The following TCP11L1 variants were observed in gnomAD, a reference collection of about 807,000 sequenced individuals.
TCP11L1 encodes t-complex 11 like 1.
Under a neutral mutation model 48.9 loss-of-function variants are expected in TCP11L1, and 28 were observed. That is an observed-to-expected ratio of 0.57 (90% CI 0.42 to 0.78). TCP11L1 has a LOEUF of 0.78. Ranked by LOEUF, TCP11L1 falls within the 30% of genes least tolerant of loss-of-function variation. The pLI is 0.00. For synonymous variants in TCP11L1, 204 were observed against 231.9 expected, an observed-to-expected ratio of 0.88 and a Z score of 1.09; for missense variants, 505 against 613.4, an observed-to-expected ratio of 0.82 and a Z score of 1.87.
intron 9 of TCP11L1, among the ~76,000 whole-genome samples, chr11:33,070,851 A>C (rs1266342977): frequency 1.3e-5 from 2 of 151,200 alleles, no homozygotes; most frequent in South Asian, 2.1e-4. Flanking sequence ...AAAATACAAA[A>C]ATTTCCTGGG....
At position 33,068,724 on chromosome 11, in the gene TCP11L1, GAGA is replaced by G. The variant is rs2133747735; in HGVS notation, c.1195_1197del (p.Lys399del). ...GAAGGACGTCCTCACTACCATCGGG[GAGA>G]AGGTGTGCCTGGAGGTGAGCAGCTG... On this transcript the variant is annotated inframe_deletion, in exon 9 of 10. Coordinates refer to ENST00000334274, the MANE Select transcript of TCP11L1 (RefSeq NM_018393.4). The G allele has an allele frequency of 8.1e-6, 13 of 1,614,164 alleles. No individual in the cohort carries two copies. The highest frequency in any genetic ancestry group is 1.1e-5 in the Non-Finnish European group (13 of 1,180,012).
intron 9 of TCP11L1, among the ~76,000 whole-genome samples, chr11:33,070,895 G>A (rs1425752915): frequency 2.6e-5 from 4 of 151,104 alleles, no homozygotes; most frequent in Non-Finnish European, 4.4e-5. Context: ...CCAGGTACTC[G>A]GAAGGCTGAG....
At chr11:33,056,444 T>C (rs1357926952) in intron 3 of TCP11L1, 1 of 153,210 alleles carries the variant, frequency 6.5e-6, no homozygotes, top group Non-Finnish European at 1.5e-5. Flanking sequence ...ATGTTGTATA[T>C]ATAAGTTGTT....
chr11:33,057,841 T>A, intron 4 of TCP11L1, 78 bp from the exon 5 acceptor site: 1 of 1,252,566 alleles, frequency 8.0e-7, no homozygotes, highest in East Asian at 2.5e-5. Context: ...AAGCCCTTAT[T>A]TGGATAGTTA....
chr11:33,072,532 G>T lies in TCP11L1; in HGVS notation c.1386G>T (p.Leu462Phe). Residue 462 changes from leucine (L) to phenylalanine (F), a missense_variant, in exon 10 of 10, where the codon TTG (leucine) becomes TTT (phenylalanine). Physicochemically the swap from Leu to Phe is conservative, Grantham distance 22 (BLOSUM62 0). Transcript: ENST00000334274. ...TYLASGHQKP[L>F]PTVPGGLSPV... ...TTGCCTCGGGTCATCAGAAGCCATT[G>T]CCCACAGTCCCTGGGGGACTCAGTC... 6.2e-7 allele frequency: 1 copy of T among 1,614,100 alleles called. No homozygotes were observed. Among genetic ancestry groups the T allele is most frequent in the Non-Finnish European group, 8.5e-7 (1 of 1,180,018 alleles).
intron 6 of TCP11L1, among the ~76,000 whole-genome samples, chr11:33,060,586 A>G (rs1308084143): frequency 6.6e-6 from 1 of 152,108 alleles, no homozygotes; most frequent in Non-Finnish European, 1.5e-5. Context: ...GATGTGTGAG[A>G]TCCTCCAGCT....
At chr11:33,068,895 C>A in intron 9 of TCP11L1, 36 bp downstream of exon 9, 2 of 1,595,362 alleles carry the variant, frequency 1.3e-6, no homozygotes, top group East Asian at 2.3e-5. Flanking sequence ...GGGATGTGCC[C>A]TCTGAGGGGC....
chr11:33,057,568 G>A (rs1284727691), intron 4 of TCP11L1, among the ~76,000 whole-genome samples: 2 of 152,188 alleles, frequency 1.3e-5, no homozygotes, highest in Non-Finnish European at 2.9e-5. Context: ...TGGAGGGACT[G>A]TTTTTGCAGC....
chr11:33,072,366 C>A, intron 9 of TCP11L1, 108 bp from the exon 10 acceptor site: 1 of 1,130,426 alleles, frequency 8.8e-7, no homozygotes, highest in Non-Finnish European at 1.3e-6. Context: ...GAGTATTGAT[C>A]GGGGACAACT....
chr11:33,072,727 G>A lies in TCP11L1; in HGVS notation c.*51G>A. 6.3e-7 allele frequency: 1 copy of A among 1,581,402 alleles called. No individual in the cohort carries two copies. The highest frequency in any genetic ancestry group is 1.1e-5 in the South Asian group (1 of 90,272). On this transcript the variant is annotated 3_prime_UTR_variant, in exon 10 of 10. Coordinates refer to ENST00000334274, the MANE Select transcript of TCP11L1 (RefSeq NM_018393.4). ...ATTACTCACTAGCCACAGAATACCT[G>A]TTCTGTACTCTAATGTTGCATTGGA...
intron 8 of TCP11L1, among the ~76,000 whole-genome samples, 173 bp from the exon 9 acceptor site, chr11:33,068,513 CT>C: frequency 6.6e-6 from 1 of 151,910 alleles, no homozygotes; most frequent in Admixed American, 6.5e-5. Context: ...GAAAGTCCCC[CT>C]GGTCAGGTAT....
chr11:33,064,445 T>G (rs1854553438), intron 7 of TCP11L1, among the ~76,000 whole-genome samples: 1 of 152,114 alleles, frequency 6.6e-6, no homozygotes, highest in African/African-American at 2.4e-5. Context: ...GTCCTTAGAG[T>G]CCATTCGATG....
rs113727794 is a variant in TCP11L1, at chr11:33,072,903, AT to A, written c.*231del. The stretch of plus-strand genomic sequence containing the variant: ...GTGCAAGTTTACAAATCAAAGAAGC[AT>A]TTTGTTCTCGAGTTTTACAGGTAAC... On this transcript the variant is annotated 3_prime_UTR_variant, in exon 10 of 10. Coordinates refer to ENST00000334274, the MANE Select transcript of TCP11L1 (RefSeq NM_018393.4). 2.2e-3 allele frequency: 1,236 copies of A among 563,874 alleles called. 8 individuals are homozygous for A. The highest frequency in any genetic ancestry group is 0.021 in the African/African-American group (1,115 of 53,160). The allele number at this position is 563,874 out of a possible 1,614,324, so 34.9% of individuals were successfully genotyped here. A position where few individuals can be genotyped will look rare whatever the true frequency, so the allele number is the denominator to read the frequency against.
chr11:33,068,599 T>C, intron 8 of TCP11L1, 88 bp from the exon 9 acceptor site: 1 of 1,475,376 alleles, frequency 6.8e-7, no homozygotes, highest in Non-Finnish European at 9.3e-7. Flanking sequence ...CAGTTATTGG[T>C]GCCGTCATTC....
At chr11:33,053,718 A>G (rs931777817) in intron 2 of TCP11L1, among the ~76,000 whole-genome samples, 2 of 152,242 alleles carry the variant, frequency 1.3e-5, no homozygotes, top group African/African-American at 4.8e-5. Context: ...TGACCACTGC[A>G]GAGCTATCAT....
intron 8 of TCP11L1, among the ~76,000 whole-genome samples, chr11:33,067,995 C>T (rs754288745): frequency 4.6e-5 from 7 of 151,886 alleles, no homozygotes; most frequent in African/African-American, 7.3e-5. Flanking sequence ...GACGTGATCT[C>T]GGCGTCCACT....
intron 5 of TCP11L1, 91 bp downstream of exon 5, chr11:33,058,230 ACTCTGTTGC>A: frequency 8.1e-7 from 1 of 1,229,898 alleles, no homozygotes; most frequent in African/African-American, 1.6e-5. Context: ...ACAGAGTCTC[ACTCTGTTGC>A]AAAGGCTGGA....
intron 1 of TCP11L1, chr11:33,041,385 GT>G (rs1349829776): frequency 6.6e-6 from 1 of 152,278 alleles, no homozygotes; most frequent in African/African-American, 2.4e-5. Context: ...GAGGAGATGG[GT>G]GTCTCCAGTG....
At chr11:33,068,933 T>G (rs1259181614) in intron 9 of TCP11L1, 74 bp downstream of exon 9, 24 of 1,539,818 alleles carry the variant, frequency 1.6e-5, no homozygotes, top group Non-Finnish European at 2.1e-5. Flanking sequence ...TGAAGAAACC[T>G]GAGGGCTCAG....
Sources: allele counts gnomAD v4.1 joint callset (sites outside exome capture counted in the v4.1 genomes callset), GRCh38; gene constraint gnomAD v4.1.1; transcripts MANE v1.5; gene names NCBI Gene and HGNC (gene_info 2026-07-23, HGNC 2026-07-21).